The following CHST9 variants were observed in gnomAD, a reference collection of about 807,000 sequenced individuals.
The protein encoded by CHST9 is carbohydrate sulfotransferase 9.
A neutral mutation model predicts 44.4 loss-of-function variants in CHST9; 41 were observed. The observed-to-expected ratio is 0.92, with a 90% confidence interval of 0.72 to 1.20. The LOEUF is 1.20. Ranked by LOEUF, CHST9 falls within the 50% of genes most tolerant of loss-of-function variation. The pLI is 0.00. For missense variants in CHST9, 504 were observed against 516.5 expected, an observed-to-expected ratio of 0.98 and a Z score of 0.23; for synonymous variants, 171 against 178.4, an observed-to-expected ratio of 0.96 and a Z score of 0.33.
rs547955786 is a variant in CHST9, at chr18:26,994,812, C to T, written c.202+29304G>A. The stretch of plus-strand genomic sequence containing the variant: ...CCACGTTGCCCAGGCTGGTATCAAA[C>T]TCCTGGCTTCAAGTGATTCACCCAT... On this transcript the variant is annotated intron_variant, in intron 4 of 5. Coordinates refer to ENST00000618847, the MANE Select transcript of CHST9 (RefSeq NM_031422.6). Among the ~76,000 whole-genome samples the T allele has an allele frequency of 2.6e-5, 4 of 152,250 alleles. No homozygotes were observed. The East Asian group carries it at 5.8e-4, about 22-fold the overall frequency.
At chr18:26,969,695 T>C (rs1786623) in intron 4 of CHST9, among the ~76,000 whole-genome samples, 52,958 of 151,856 alleles carry the variant, frequency 0.35, 9,803 homozygotes, top group East Asian at 0.47. Context: ...TGAAGTGAAA[T>C]GAAGAAGATA....
At chr18:27,104,709 T>C (rs1011540044) in intron 2 of CHST9, among the ~76,000 whole-genome samples, 1 of 152,208 alleles carries the variant, frequency 6.6e-6, no homozygotes, top group Admixed American at 6.5e-5. Context: ...TTCCATAAAC[T>C]TTCAAATCAA....
intron 5 of CHST9, among the ~76,000 whole-genome samples, chr18:26,939,567 C>A (rs2056051100): frequency 6.6e-6 from 1 of 152,184 alleles, no homozygotes; most frequent in Non-Finnish European, 1.5e-5. Context: ...AATGGAGGTC[C>A]ACATACTATA....
rs1267086633 is a variant in CHST9, at chr18:26,917,253, T to C, written c.338A>G (p.His113Arg). The C allele has an allele frequency of 8.7e-6, 14 of 1,613,918 alleles. No individual in the cohort carries two copies. Among genetic ancestry groups the C allele is most frequent in the Non-Finnish European group, 1.2e-5 (14 of 1,179,834 alleles). ...RSTRLLTKTSHSQGGDQALSK... is the reference protein window; with the variant it reads ...RSTRLLTKTSRSQGGDQALSK... ...TAAAGCTTGATCCCCTCCTTGTGAA[T>C]GACTGGTCTTTGTTAAGAGCCTAGT... Residue 113 changes from histidine to arginine, a missense_variant, in exon 6 of 6, where the codon CAT becomes CGT. By Grantham distance (29) the His-to-Arg change is conservative. Coordinates refer to ENST00000618847, the MANE Select transcript of CHST9 (RefSeq NM_031422.6).
intron 2 of CHST9, 99 bp from the exon 3 acceptor site, chr18:27,048,602 T>G: frequency 1.0e-6 from 1 of 966,928 alleles, no homozygotes; most frequent in South Asian, 1.6e-5. Context: ...AAACACAACC[T>G]CTACTTCAGC....
intron 4 of CHST9, among the ~76,000 whole-genome samples, chr18:26,955,224 G>GTTTTTTT (rs10573820): frequency 1.4e-5 from 2 of 138,446 alleles, no homozygotes; most frequent in African/African-American, 2.7e-5. Flanking sequence ...CCAGAATTCT[G>GTTTTTTT]TTTTTTTTTT....
intron 3 of CHST9, among the ~76,000 whole-genome samples, chr18:27,029,032 C>T (rs1430664263): frequency 6.6e-6 from 1 of 152,090 alleles, no homozygotes; most frequent in Non-Finnish European, 1.5e-5. Context: ...TGAATTTGGC[C>T]TCCAAGTCTA....
intron 5 of CHST9, chr18:26,928,228 CT>C: frequency 6.5e-6 from 1 of 153,720 alleles, no homozygotes; most frequent in Non-Finnish European, 1.4e-5. Context: ...ACTTCTCTTT[CT>C]TTTCCCCACA....
chr18:26,978,663 G>A lies in CHST9; in HGVS notation c.203-34297C>T, dbSNP rs374112969. Among the ~76,000 whole-genome samples the A allele has an allele frequency of 5.9e-5, 9 of 152,246 alleles. No homozygotes were observed. In the East Asian group the frequency reaches 7.7e-4, roughly 13 times the overall value. ...GTTGCTTCTAACACTTACCAGCCTC[G>A]TAACCAGAGGGAAGAAACTTCATCT... On this transcript the variant is annotated intron_variant, in intron 4 of 5. Coordinates refer to ENST00000618847, the MANE Select transcript of CHST9 (RefSeq NM_031422.6).
At chr18:27,184,869 C>G (rs1051897698) in intron 1 of CHST9, among the ~76,000 whole-genome samples, 10 of 152,198 alleles carry the variant, frequency 6.6e-5, no homozygotes, top group African/African-American at 2.4e-4. Flanking sequence ...CCAGCGCCCC[C>G]TCAAAGTCAG....
intron 2 of CHST9, among the ~76,000 whole-genome samples, chr18:27,082,183 G>A (rs1049874285): frequency 6.6e-6 from 1 of 152,154 alleles, no homozygotes; most frequent in Non-Finnish European, 1.5e-5. Flanking sequence ...CATATGTGAA[G>A]TTATTTAGAT....
At position 26,992,047 on chromosome 18, in the gene CHST9, A is replaced by G. The variant is rs146402377; in HGVS notation, c.202+32069T>C. Among the ~76,000 whole-genome samples the G allele has an allele frequency of 2.8e-3, 363 of 127,442 alleles. 105 individuals are homozygous for G. In the East Asian group the frequency reaches 0.087, roughly 31 times the overall value. The allele number at this position is 127,442 out of a possible 152,430, so 83.6% of individuals were successfully genotyped here. On this transcript the variant is annotated intron_variant, in intron 4 of 5. Transcript: ENST00000618847. ...GAATGATCCAGCGAAAAAAGGAAAA[A>G]TTGATGTTGTTATCTGTCACTTATG...
intron 4 of CHST9, among the ~76,000 whole-genome samples, chr18:26,995,219 C>T (rs1432047560): frequency 7.6e-6 from 1 of 131,966 alleles, no homozygotes; most frequent in Non-Finnish European, 1.6e-5. Context: ...GTCAGGAGAT[C>T]AAGACAATCC....
At chr18:26,982,211 CA>C (rs2056699730) in intron 4 of CHST9, among the ~76,000 whole-genome samples, 1 of 152,094 alleles carries the variant, frequency 6.6e-6, no homozygotes, top group Non-Finnish European at 1.5e-5. Context: ...TCTTCATCCA[CA>C]TGTAATTAAG....
In CHST9 at chr18:27,031,899, C is replaced by A. The variant is rs1470653825; in HGVS notation, c.161-7742G>T. On this transcript the variant is annotated intron_variant, in intron 3 of 5. Transcript: ENST00000618847. ...GTTGGGAGGAAGGCAACGGCACAGG[C>A]ATGAGCAGCATGCCAGGCCAAGCCC... 2.0e-5 allele frequency among the ~76,000 whole-genome samples: 3 copies of A among 152,240 alleles called. No individual in the cohort carries two copies. In the East Asian group the frequency reaches 5.8e-4, roughly 29 times the overall value.
At chr18:27,142,964 C>T (rs950995713) in intron 1 of CHST9, 59 bp from the exon 2 acceptor site, 12 of 625,994 alleles carry the variant, frequency 1.9e-5, no homozygotes, top group Admixed American at 6.3e-5. Context: ...TTCTCAAATA[C>T]GGCATAAATA....
chr18:26,963,688 G>C (rs183383168), intron 4 of CHST9, among the ~76,000 whole-genome samples: 17 of 152,176 alleles, frequency 1.1e-4, no homozygotes, highest in Admixed American at 1.0e-3. Context: ...TCACAAACTT[G>C]GGTGTCAGTG....
intron 3 of CHST9, among the ~76,000 whole-genome samples, chr18:27,043,024 C>A (rs186585263): frequency 9.5e-4 from 144 of 152,210 alleles, no homozygotes; most frequent in African/African-American, 3.4e-3. Context: ...CTCTGTGGCA[C>A]TGGACAGGTT....
chr18:27,053,277 A>AAGG (rs1568151302), intron 2 of CHST9, among the ~76,000 whole-genome samples: 1 of 132,310 alleles, frequency 7.6e-6, no homozygotes, highest in Non-Finnish European at 1.6e-5. Flanking sequence ...GGAGAAGGAG[A>AAGG]AGGAGAAGGA....
Sources: allele counts gnomAD v4.1 joint callset (sites outside exome capture counted in the v4.1 genomes callset), GRCh38; gene constraint gnomAD v4.1.1; transcripts MANE v1.5; gene names NCBI Gene and HGNC (gene_info 2026-07-23, HGNC 2026-07-21).